Variants in RIOX2 observed in about 807,000 individuals in gnomAD.
RIOX2 encodes 60S ribosomal protein L27a histidine hydroxylase.
RIOX2 carries 43 observed loss-of-function variants against 51.2 expected under a neutral mutation model. That is an observed-to-expected ratio of 0.84 (90% CI 0.66 to 1.08). The LOEUF is 1.08. Among genes scored for constraint, RIOX2 ranks in the 50% least tolerant of loss-of-function variants. RIOX2 has a pLI of 0.00. For synonymous variants in RIOX2, 226 were observed against 218.5 expected, an observed-to-expected ratio of 1.03 and a Z score of -0.30; for missense variants, 566 against 561.7, an observed-to-expected ratio of 1.01 and a Z score of -0.08.
Position 97,945,340 on chromosome 3 carries a change from A to AAAC in RIOX2, c.1240-1_1241dup (p.Glu413_Phe414insLeu). On this transcript the variant is annotated inframe_insertion and splice_region_variant, in exon 10 of 10. Transcript: ENST00000394198. The stretch of plus-strand genomic sequence containing the variant: ...GTGACAAAGGGAAGCGAAGTCCATG[A>AAAC]AACTGAAAGGATAAATTTATTTGTC... 6.2e-7 allele frequency: 1 copy of AAAC among 1,608,392 alleles called. No individual in the cohort carries two copies.
intron 7 of RIOX2, 72 bp downstream of exon 7, chr3:97,949,772 G>T (rs747048854): frequency 1.3e-5 from 18 of 1,384,334 alleles, no homozygotes; most frequent in Non-Finnish European, 1.8e-5. Flanking sequence ...GTTCAAAAAG[G>T]AGCCTACCCA....
chr3:97,945,850 G>A lies in RIOX2; in HGVS notation c.1187C>T (p.Ser396Phe), dbSNP rs1310886273. The A allele has an allele frequency of 4.3e-6, 7 of 1,610,560 alleles. No individual in the cohort carries two copies. Among genetic ancestry groups the A allele is most frequent in the Non-Finnish European group, 5.9e-6 (7 of 1,177,566 alleles). Residue 396 changes from serine (S) to phenylalanine (F), a missense_variant, in exon 9 of 10, where the codon TCC (serine) becomes TTC (phenylalanine). Coordinates refer to ENST00000394198, the MANE Select transcript of RIOX2 (RefSeq NM_153182.4). The stretch of plus-strand genomic sequence containing the variant: ...GTGTGTCTCTCTACTATTCTTTAAG[G>A]AATGATAGATGTACACCATCTTTTC... Reference protein sequence around the residue: ...AQEKMVYIYHSLKNSRETHMM... With the variant: ...AQEKMVYIYHFLKNSRETHMM...
chr3:97,948,834 G>A (rs552959631), intron 7 of RIOX2, among the ~76,000 whole-genome samples: 1 of 151,932 alleles, frequency 6.6e-6, no homozygotes, highest in South Asian at 2.1e-4. Flanking sequence ...TCTTCCCACT[G>A]CAACAAGTCA....
At position 97,942,287 on chromosome 3, in the gene RIOX2, A is replaced by T. The variant is rs2040248469; in HGVS notation, c.*2897T>A. ...AATCATTTCTTAACCCTTTTAGGCCAGTGATACATGTCTTGATGTGATTGG... is the reference window on the plus strand; with the variant it reads ...AATCATTTCTTAACCCTTTTAGGCCTGTGATACATGTCTTGATGTGATTGG... On this transcript the variant is annotated 3_prime_UTR_variant, in exon 10 of 10. Transcript: ENST00000394198. 6.2e-7 allele frequency: 1 copy of T among 1,605,826 alleles called. No homozygotes were observed. Among genetic ancestry groups the T allele is most frequent in the South Asian group, 1.1e-5 (1 of 89,642 alleles).
In RIOX2 at chr3:97,945,290, C is replaced by G. The variant is rs571248328; in HGVS notation, c.1292G>C (p.Trp431Ser). 9.0e-5 allele frequency: 145 copies of G among 1,612,366 alleles called. 1 individual carries two copies. In the South Asian group the frequency reaches 1.2e-3, roughly 13 times the overall value. The change falls in exon 10 of 10, where the codon TGG (tryptophan) becomes TCG (serine). Residue 431 changes from tryptophan (W) to serine (S), a missense_variant. Trp to Ser is a radical substitution (Grantham distance 177). Transcript: ENST00000394198. ...CTTGACAGAAATAGCTGGACTATTC[C>G]AAATTTGCTTCAGTGCATCCAAATG... ...LSHLDALKQI[W>S]NSPAISVKDL... is the part of the protein sequence containing the mutation.
chr3:97,967,734 G>A (rs1354661901), intron 1 of RIOX2, 102 bp from the exon 2 acceptor site: 10 of 787,064 alleles, frequency 1.3e-5, no homozygotes, highest in African/African-American at 5.2e-5. Flanking sequence ...TTACACCTTC[G>A]TGAGAACTCT....
intron 1 of RIOX2, among the ~76,000 whole-genome samples, chr3:97,969,087 G>A (rs985597269): frequency 6.6e-6 from 1 of 152,116 alleles, no homozygotes; most frequent in East Asian, 1.9e-4. Context: ...ATTAAGAAAG[G>A]AAATGTCAAA....
At position 97,967,145 on chromosome 3, in the gene RIOX2, A is replaced by G. The variant is rs1474763171; in HGVS notation, c.432+17T>C. 19 of 1,605,684 alleles carry G rather than the reference A, an allele frequency of 1.2e-5. No individual in the cohort carries two copies. The highest frequency in any genetic ancestry group is 5.6e-5 in the South Asian group (5 of 89,366). On this transcript the variant is annotated intron_variant, in intron 2 of 9. Coordinates refer to ENST00000394198, the MANE Select transcript of RIOX2 (RefSeq NM_153182.4). ...CTTTAAAATGTATGAGGATTCTGCA[A>G]TGGGGAAACTGGTTACCTTAAATCT...
chr3:97,948,342 C>G (rs1028635859), intron 7 of RIOX2, among the ~76,000 whole-genome samples: 1 of 152,132 alleles, frequency 6.6e-6, no homozygotes, highest in Non-Finnish European at 1.5e-5. Flanking sequence ...AAAAAATACT[C>G]TTTTCACTCA....
chr3:97,942,467 GT>G lies in RIOX2; in HGVS notation c.*2716del. On this transcript the variant is annotated 3_prime_UTR_variant, in exon 10 of 10. Transcript: ENST00000394198. ...AGGTGGGCCTTTGATGATACCCAATGTTGTGTCCCTGGATATTAGTTTCAGT... is the reference window on the plus strand; with the variant it reads ...AGGTGGGCCTTTGATGATACCCAATGTGTGTCCCTGGATATTAGTTTCAGT... 1 of 1,585,878 alleles carries G rather than the reference GT, an allele frequency of 6.3e-7. No individual in the cohort carries two copies. The highest frequency in any genetic ancestry group is 8.6e-7 in the Non-Finnish European group (1 of 1,163,198).
At chr3:97,952,187 A>G (rs1259105495) in intron 5 of RIOX2, 1 of 1,289,748 alleles carries the variant, frequency 7.8e-7, no homozygotes, top group Non-Finnish European at 1.0e-6. Context: ...TAGGCTCAAA[A>G]CACAGGATCA....
intron 4 of RIOX2, among the ~76,000 whole-genome samples, chr3:97,957,619 A>AATGGGC (rs1283704904): frequency 1.3e-5 from 2 of 152,232 alleles, no homozygotes; most frequent in East Asian, 1.9e-4. Flanking sequence ...TTGACTGTTT[A>AATGGGC]ATGGGCATGG....
At position 97,942,474 on chromosome 3, in the gene RIOX2, C is replaced by G; in HGVS notation, c.*2710G>C. 2 of 1,559,384 alleles carry G rather than the reference C, an allele frequency of 1.3e-6. No homozygotes were observed. The highest frequency in any genetic ancestry group is 1.8e-5 in the Admixed American group (1 of 56,952). ...CCTTTGATGATACCCAATGTTGTGT[C>G]CCTGGATATTAGTTTCAGTTCCAAA... On this transcript the variant is annotated 3_prime_UTR_variant, in exon 10 of 10. Coordinates refer to ENST00000394198, the MANE Select transcript of RIOX2 (RefSeq NM_153182.4).
intron 1 of RIOX2, among the ~76,000 whole-genome samples, chr3:97,969,310 C>T (rs549056965): frequency 6.6e-6 from 1 of 152,182 alleles, no homozygotes; most frequent in South Asian, 2.1e-4. Context: ...AACAGACCAG[C>T]TTGAATTCTC....
At chr3:97,958,245 T>C (rs1705528892) in intron 4 of RIOX2, among the ~76,000 whole-genome samples, 1 of 152,174 alleles carries the variant, frequency 6.6e-6, no homozygotes, top group Non-Finnish European at 1.5e-5. Context: ...TATATGCAAA[T>C]GTGTCAGGTT....
Position 97,945,942 on chromosome 3 carries a change from C to A in RIOX2, c.1150-55G>T, listed in dbSNP as rs2040347454. The A allele has an allele frequency of 4.4e-5, 57 of 1,298,568 alleles. 1 individual carries two copies. Among genetic ancestry groups the A allele is most frequent in the Middle Eastern group, 3.7e-4 (2 of 5,432 alleles). The allele number at this position is 1,298,568 out of a possible 1,614,324, so 80.4% of individuals were successfully genotyped here. A position where few individuals can be genotyped will look rare whatever the true frequency, so the allele number is the denominator to read the frequency against. On this transcript the variant is annotated intron_variant, in intron 8 of 9. Coordinates refer to ENST00000394198, the MANE Select transcript of RIOX2 (RefSeq NM_153182.4). The stretch of plus-strand genomic sequence containing the variant: ...ATCAACAACACAACACTGAAGGTGT[C>A]AGTACTAGGAAGGTTTTCCAATAGG...
intron 5 of RIOX2, 63 bp from the exon 6 acceptor site, chr3:97,950,951 A>C (rs1394303352): frequency 8.5e-7 from 1 of 1,177,418 alleles, no homozygotes; most frequent in East Asian, 2.4e-5. Context: ...AATATACATA[A>C]AATACTTATT....
intron 5 of RIOX2, among the ~76,000 whole-genome samples, chr3:97,951,707 A>G (rs895596429): frequency 1.3e-5 from 2 of 152,226 alleles, no homozygotes; most frequent in African/African-American, 4.8e-5. Context: ...CTTCTCACTC[A>G]GTAAGCAAAA....
chr3:97,957,581 C>T (rs1318789624), intron 4 of RIOX2, among the ~76,000 whole-genome samples: 2 of 151,730 alleles, frequency 1.3e-5, no homozygotes, highest in African/African-American at 4.8e-5. Flanking sequence ...GTCCAGGAGA[C>T]TCAGTGCATC....
Sources: allele counts gnomAD v4.1 joint callset (sites outside exome capture counted in the v4.1 genomes callset), GRCh38; gene constraint gnomAD v4.1.1; transcripts MANE v1.5; gene names NCBI Gene and HGNC (gene_info 2026-07-23, HGNC 2026-07-21).